Variants in CMIP observed in about 807,000 individuals in gnomAD.
CMIP encodes the protein c-Maf inducing protein.
Under a neutral mutation model 97.3 loss-of-function variants are expected in CMIP, and 13 were observed. The ratio of observed to expected loss-of-function variants is 0.13; its 90% CI spans 0.09 to 0.21. The LOEUF (loss-of-function observed/expected upper bound fraction) is 0.21, where lower values mean the gene tolerates loss of function less well. CMIP is among the 10% of genes least tolerant of loss of function. The pLI is 1.00. For missense variants in CMIP, 847 were observed against 1,024.9 expected (o/e 0.83, Z 2.37); for synonymous variants, 538 against 436.3 (o/e 1.23, Z -2.91).
At position 81,610,306 on chromosome 16, in the gene CMIP, C is replaced by T. The variant is rs1003174592; in HGVS notation, c.426+2614C>T. 10 of 985,500 alleles carry T rather than the reference C, an allele frequency of 1.0e-5. No individual in the cohort carries two copies. The African/African-American group carries it at 1.4e-4, about 14-fold the overall frequency. The allele number at this position is 985,500 out of a possible 1,614,324, so 61.0% of individuals were successfully genotyped here. ...CAGGGCTTCAGGACAGAGCTGCCGC[C>T]GTGGTGCTGAGGAGCCGAGCGGGCG... On this transcript the variant is annotated intron_variant, in intron 2 of 20. Transcript: ENST00000537098.
chr16:81,546,564 C>G (rs541341584), intron 1 of CMIP, among the ~76,000 whole-genome samples: 1 of 152,146 alleles, frequency 6.6e-6, no homozygotes, highest in Non-Finnish European at 1.5e-5. Context: ...TCCCAGGAAC[C>G]GAAGAAAGCA....
At chr16:81,691,925 A>T in intron 11 of CMIP, 85 bp downstream of exon 11, 1 of 1,196,298 alleles carries the variant, frequency 8.4e-7, no homozygotes, top group Non-Finnish European at 1.2e-6. Flanking sequence ...GGGGCCAGTC[A>T]TGTTATGGGG....
chr16:81,600,096 T>C (rs954936817), intron 1 of CMIP, among the ~76,000 whole-genome samples: 2 of 151,868 alleles, frequency 1.3e-5, no homozygotes, highest in African/African-American at 4.8e-5. Flanking sequence ...CTGACCAACA[T>C]GGTGAAACCC....
chr16:81,647,510 C>T (rs556143642), intron 3 of CMIP, among the ~76,000 whole-genome samples: 1 of 152,226 alleles, frequency 6.6e-6, no homozygotes, highest in East Asian at 1.9e-4. Flanking sequence ...GTGTGCCCAG[C>T]CACAGAACAG....
chr16:81,544,124 G>A (rs1330044217), intron 1 of CMIP, among the ~76,000 whole-genome samples: 7 of 152,206 alleles, frequency 4.6e-5, no homozygotes, highest in Admixed American at 2.6e-4. Flanking sequence ...CGCTGGACAC[G>A]CAGGGGTCCC....
At chr16:81,641,239 C>A (rs780535600) in intron 3 of CMIP, among the ~76,000 whole-genome samples, 4 of 152,088 alleles carry the variant, frequency 2.6e-5, no homozygotes, top group Non-Finnish European at 5.9e-5. Context: ...CAGCACCTAA[C>A]GCATGTTAGC....
chr16:81,645,256 C>A, intron 3 of CMIP: 1 of 686,666 alleles, frequency 1.5e-6, no homozygotes, highest in Non-Finnish European at 2.1e-6. Context: ...CTCCCTGGCT[C>A]ATATTTCCCT....
intron 1 of CMIP, among the ~76,000 whole-genome samples, chr16:81,550,821 A>T (rs572546078): frequency 4.0e-5 from 6 of 151,460 alleles, no homozygotes; most frequent in Admixed American, 1.3e-4. Context: ...TCCTAACCCC[A>T]TTCTGTGCCC....
chr16:81,560,271 T>G (rs936249630), intron 1 of CMIP, among the ~76,000 whole-genome samples: 4 of 151,126 alleles, frequency 2.6e-5, no homozygotes, highest in South Asian at 2.1e-4. Flanking sequence ...CAGGCTGGAG[T>G]GCAGTGGCGC....
chr16:81,559,669 C>T (rs2911279), intron 1 of CMIP, among the ~76,000 whole-genome samples: 44,074 of 152,056 alleles, frequency 0.29, 6,752 homozygotes, highest in African/African-American at 0.37. Context: ...CACTGCCAGT[C>T]GTGCAAAAGC....
intron 1 of CMIP, among the ~76,000 whole-genome samples, chr16:81,564,083 C>G (rs897855561): frequency 2.0e-5 from 3 of 152,214 alleles, no homozygotes; most frequent in Non-Finnish European, 4.4e-5. Flanking sequence ...TATATGTGGT[C>G]TGAAAAAGCC....
chr16:81,472,771 G>A (rs973974119), intron 1 of CMIP, among the ~76,000 whole-genome samples: 1 of 152,232 alleles, frequency 6.6e-6, no homozygotes, highest in Non-Finnish European at 1.5e-5. Flanking sequence ...TTGGGATGGT[G>A]AGTGCAGAGG....
chr16:81,693,385 C>G, intron 12 of CMIP, 54 bp from the exon 13 acceptor site: 1 of 1,587,738 alleles, frequency 6.3e-7, no homozygotes, highest in Non-Finnish European at 8.6e-7. Context: ...CTTCCCACAC[C>G]TCCCACTCAG....
intron 1 of CMIP, among the ~76,000 whole-genome samples, chr16:81,553,298 C>T (rs1212597876): frequency 6.6e-6 from 1 of 152,186 alleles, no homozygotes; most frequent in Non-Finnish European, 1.5e-5. Context: ...GGCCATGCCC[C>T]CAGGAGGCAG....
At chr16:81,662,025 A>T (rs945812331) in intron 6 of CMIP, among the ~76,000 whole-genome samples, 4 of 152,156 alleles carry the variant, frequency 2.6e-5, no homozygotes, top group Non-Finnish European at 5.9e-5. Flanking sequence ...AGGTGTGGAT[A>T]CACACAGGCC....
chr16:81,539,722 C>G (rs1158156994), intron 1 of CMIP, among the ~76,000 whole-genome samples: 2 of 152,238 alleles, frequency 1.3e-5, no homozygotes, highest in African/African-American at 2.4e-5. Flanking sequence ...CTAAGCTTCC[C>G]TCCTGCCTTC....
chr16:81,670,344 TGAA>T, intron 8 of CMIP, 99 bp downstream of exon 8: 1 of 1,269,690 alleles, frequency 7.9e-7, no homozygotes, highest in Non-Finnish European at 1.1e-6. Context: ...TGTAATTAAA[TGAA>T]GACTCCCTCT....
intron 1 of CMIP, among the ~76,000 whole-genome samples, chr16:81,579,799 C>CA (rs1011905539): frequency 9.9e-5 from 15 of 152,092 alleles, no homozygotes; most frequent in African/African-American, 3.6e-4. Flanking sequence ...CTGAAAAATA[C>CA]AAAAAAATTA....
intron 1 of CMIP, among the ~76,000 whole-genome samples, chr16:81,477,294 A>G (rs1163129859): frequency 6.6e-6 from 1 of 152,030 alleles, no homozygotes; most frequent in East Asian, 1.9e-4. Flanking sequence ...AGCGGGGATT[A>G]CAAGCTTACA....
Sources: gnomAD v4.1 joint callset for allele counts (sites outside exome capture counted in the v4.1 genomes callset) on GRCh38, gnomAD v4.1.1 for gene constraint, MANE v1.5 for transcripts, NCBI Gene and HGNC (gene_info 2026-07-23, HGNC 2026-07-21) for gene names.